MACF1: variants seen among roughly 807,000 people sequenced by gnomAD.
MACF1 encodes the protein microtubule-actin cross-linking factor 1.
In MACF1, 193 loss-of-function variants were observed where a neutral mutation model predicts 854.8. That is an observed-to-expected ratio of 0.23 (90% confidence interval 0.20 to 0.25). MACF1 has a LOEUF of 0.25. Among genes scored for constraint, MACF1 ranks in the 10% least tolerant of loss-of-function variants. MACF1 has a pLI of 1.00. For synonymous variants in MACF1, 3,185 were observed against 3,226.7 expected (o/e 0.99, Z 0.44); for missense variants, 7,722 against 8,929.1 (o/e 0.86, Z 5.45).
rs1646721994 is a variant in MACF1 at position 39,331,290 on chromosome 1, C to A, written c.4702C>A (p.Gln1568Lys). 1 of 1,611,022 alleles carries A rather than the reference C, an allele frequency of 6.2e-7. No individual in the cohort carries two copies. Among genetic ancestry groups the A allele is most frequent in the Non-Finnish European group, 8.5e-7 (1 of 1,179,378 alleles). Reference sequence around the variant, plus strand: ...AGCCATGCAAAAGGGCCTCCTTGACCAAGACACAGGCCTAGTGCTTCTGGA... The same window carrying A: ...AGCCATGCAAAAGGGCCTCCTTGACAAAGACACAGGCCTAGTGCTTCTGGA... ...FKAMQKGLLD[Q>K]DTGLVLLESQ... Residue 1568 changes from glutamine (Q) to lysine (K), a missense_variant, in exon 37 of 101, where the codon CAA becomes AAA. This residue lies in a region of MACF1 where 1,531 missense variants were observed against 1,601.6 expected (regional missense o/e 0.96). Transcript: ENST00000564288.
chr1:39,441,438 A>T, intron 74 of MACF1, 113 bp downstream of exon 74: 1 of 793,572 alleles, frequency 1.3e-6, no homozygotes, highest in Non-Finnish European at 2.0e-6. Context: ...TGCAGACCTA[A>T]GATAGTGGTG....
intron 2 of MACF1, among the ~76,000 whole-genome samples, chr1:39,116,827 A>G (rs182579520): frequency 5.2e-4 from 79 of 152,246 alleles, no homozygotes; most frequent in African/African-American, 1.9e-3. Context: ...TCCCCATCTC[A>G]TTATCTGACA....
At chr1:39,417,416 A>C (rs1047447026) in intron 58 of MACF1, among the ~76,000 whole-genome samples, 1 of 152,204 alleles carries the variant, frequency 6.6e-6, no homozygotes. Flanking sequence ...CTTTTTAAGC[A>C]AAAATTGGAG....
chr1:39,212,056 T>C (rs765241415), intron 1 of MACF1, among the ~76,000 whole-genome samples: 3 of 147,382 alleles, frequency 2.0e-5, no homozygotes, highest in Non-Finnish European at 4.4e-5. Flanking sequence ...TCTTTGTTTC[T>C]GTAAGAAAGC....
chr1:39,462,514 G>C (rs1644575155), intron 93 of MACF1, among the ~76,000 whole-genome samples: 1 of 150,382 alleles, frequency 6.6e-6, no homozygotes, highest in African/African-American at 2.5e-5. Flanking sequence ...AGACCAGCCT[G>C]GGCAACATAG....
rs1445868170 is a variant in MACF1, at chr1:39,468,725, C to T, written c.21882C>T (p.Pro7294=). 6.2e-7 allele frequency: 1 copy of T among 1,613,608 alleles called. No homozygotes were observed. Among genetic ancestry groups the T allele is most frequent in the South Asian group, 1.1e-5 (1 of 91,080 alleles). ...ALDEFLVKND[P]CRVHHPGSKI... ...ATGAATTTTTAGTGAAAAATGATCC[C>T]TGCCGAGGTAAGGAACCATTCTAAG... The change falls in exon 96 of 101, where the codon CCC becomes CCT. Residue 7294 remains proline (P), a synonymous_variant. Transcript: ENST00000564288.
intron 49 of MACF1, 127 bp downstream of exon 49, chr1:39,361,804 A>T: frequency 4.6e-6 from 4 of 861,346 alleles, no homozygotes; most frequent in Non-Finnish European, 7.3e-6. Context: ...TTTGGGAATT[A>T]TTACAGTGAT....
chr1:39,134,265 T>A (rs1046936869), intron 2 of MACF1, among the ~76,000 whole-genome samples: 1 of 151,452 alleles, frequency 6.6e-6, no homozygotes, highest in Non-Finnish European at 1.5e-5. Context: ...CCAGGATGGT[T>A]TCGATCTCCT....
chr1:39,233,025 GT>G (rs1557532617), intron 2 of MACF1, among the ~76,000 whole-genome samples: 23 of 94,368 alleles, frequency 2.4e-4, no homozygotes, highest in African/African-American at 6.5e-4. Flanking sequence ...TGTTGTTGTT[GT>G]TGTTGTGTTT....
At position 39,444,797 on chromosome 1, in the gene MACF1, A is replaced by C. The variant is rs776615114; in HGVS notation, c.19567A>C (p.Lys6523Gln). ...TEQSVALLEQ[K>Q]WHVVSSKMEE... ...ACAGAGTGTAGCACTTTTGGAGCAG[A>C]AGTGGCATGTGGTCAGCAGTAAGAT... is the stretch of plus-strand genomic sequence containing the variant. Residue 6523 changes from lysine to glutamine, a missense_variant, in exon 80 of 101, where the codon AAG becomes CAG. By Grantham distance (53) the Lys-to-Gln change is moderately conservative. This residue lies in a region of MACF1 where 729 missense variants were observed against 900.5 expected (regional missense o/e 0.81). Coordinates refer to ENST00000564288, the MANE Select transcript of MACF1 (RefSeq NM_001394062.1). 6.2e-7 allele frequency: 1 copy of C among 1,613,474 alleles called. No individual in the cohort carries two copies. The highest frequency in any genetic ancestry group is 2.2e-5 in the East Asian group (1 of 44,870).
chr1:39,128,709 A>T (rs541779191), intron 2 of MACF1, among the ~76,000 whole-genome samples: 1 of 152,114 alleles, frequency 6.6e-6, no homozygotes, highest in African/African-American at 2.4e-5. Context: ...AAAAAAAAAA[A>T]AAGATTTCTG....
At chr1:39,233,197 G>A (rs561091118) in intron 2 of MACF1, among the ~76,000 whole-genome samples, 3 of 152,216 alleles carry the variant, frequency 2.0e-5, no homozygotes, top group African/African-American at 7.2e-5. Context: ...ACCACGCCCG[G>A]CTAATTTTGT....
chr1:39,410,798 G>C (rs768908940), intron 58 of MACF1: 1 of 1,614,014 alleles, frequency 6.2e-7, no homozygotes, highest in Non-Finnish European at 8.5e-7. Context: ...TTAACAGAAA[G>C]TTCTGGTCAT....
In MACF1 at chr1:39,332,841, C is replaced by T; in HGVS notation, c.6253C>T (p.Gln2085Ter). The T allele has an allele frequency of 6.2e-7, 1 of 1,613,818 alleles. No homozygotes were observed. ...ENPEQDLFVEQKERNPNIDAL... is the reference protein window; with the variant it reads ...ENPEQDLFVE ...CCCTGAACAGGATCTGTTTGTAGAA[C>T]AAAAAGAGAGAAATCCAAACATTGA... Residue 2085 changes from glutamine to a stop codon, truncating the protein, a stop_gained, in exon 37 of 101, where the codon CAA becomes TAA. Transcript: ENST00000564288. LOFTEE classifies it high-confidence loss of function.
chr1:39,139,186 G>A (rs999214244), intron 2 of MACF1, among the ~76,000 whole-genome samples: 4 of 151,904 alleles, frequency 2.6e-5, no homozygotes, highest in Middle Eastern at 3.2e-3. Flanking sequence ...CAACTGTCTC[G>A]TCATTTATTC....
At chr1:39,305,916 C>T (rs1160524107) in intron 23 of MACF1, among the ~76,000 whole-genome samples, 1 of 152,178 alleles carries the variant, frequency 6.6e-6, no homozygotes, top group Non-Finnish European at 1.5e-5. Context: ...CTGCATGCCA[C>T]TCTCTGTCTT....
intron 44 of MACF1, among the ~76,000 whole-genome samples, chr1:39,354,146 A>G (rs1647322011): frequency 6.6e-6 from 1 of 152,116 alleles, no homozygotes; most frequent in Admixed American, 6.6e-5. Context: ...ATACTTGAGC[A>G]TCTGCTTATA....
chr1:39,349,692 GTGTTA>G, intron 42 of MACF1, 65 bp downstream of exon 42: 1 of 1,542,458 alleles, frequency 6.5e-7, no homozygotes. Flanking sequence ...GAGTACAGTG[GTGTTA>G]TCTTGGCTCA....
intron 6 of MACF1, chr1:39,269,477 T>G (rs760848697): frequency 1.5e-5 from 19 of 1,289,684 alleles, no homozygotes; most frequent in Non-Finnish European, 4.0e-6. Flanking sequence ...GCACGGAGCC[T>G]TCCCATGTGG....
Sources: gnomAD v4.1 joint callset for allele counts (sites outside exome capture counted in the v4.1 genomes callset) on GRCh38, gnomAD v4.1.1 for gene constraint, gnomAD v4.1.1 regional missense constraint, MANE v1.5 for transcripts, NCBI Gene and HGNC (gene_info 2026-07-23, HGNC 2026-07-21) for gene names.